C16orf54: variants seen among roughly 807,000 people sequenced by gnomAD.
C16orf54 encodes chromosome 16 open reading frame 54, also known as transmembrane protein C16orf54.
In C16orf54, 2 loss-of-function variants were observed where a neutral mutation model predicts 3.9. The ratio of observed to expected loss-of-function variants is 0.52; its 90% CI spans 0.21 to 1.63. The LOEUF is 1.63. Ranked by LOEUF, C16orf54 falls within the 40% of genes most tolerant of loss-of-function variation. The pLI is 0.21. For missense variants in C16orf54, 272 were observed against 326.3 expected, an observed-to-expected ratio of 0.83 and a Z score of 1.28; for synonymous variants, 128 against 135.1, an observed-to-expected ratio of 0.95 and a Z score of 0.37.
Position 29,744,154 on chromosome 16 carries a change from G to T in C16orf54, c.*123C>A. ...CCCAGACCCGGGGAGGGGGACTCCA[G>T]GTGGAAGGAGCCTGGGAAGGGCATC... On this transcript the variant is annotated 3_prime_UTR_variant, in exon 2 of 2. Transcript: ENST00000329410. The surrounding 1 kb of genome is among the most constrained non-coding windows in gnomAD (Gnocchi z 7.1). The T allele has an allele frequency of 1.1e-6, 1 of 926,206 alleles. No individual in the cohort carries two copies. Among genetic ancestry groups the T allele is most frequent in the Non-Finnish European group, 1.7e-6 (1 of 596,894 alleles). The allele number at this position is 926,206 out of a possible 1,614,324, so 57.4% of individuals were successfully genotyped here.
rs1257194608 is a variant in C16orf54, at chr16:29,744,838, C to G, written c.114G>C (p.Leu38=). 3 of 1,477,016 alleles carry G rather than the reference C, an allele frequency of 2.0e-6. No homozygotes were observed. The African/African-American group carries it at 4.3e-5, about 21-fold the overall frequency. 91.5% of individuals were successfully genotyped at this position (1,477,016 alleles called of 1,614,324 possible). A position where few individuals can be genotyped will look rare whatever the true frequency, so the allele number is the denominator to read the frequency against. Residue 38 remains leucine (L), a synonymous_variant, in exon 2 of 2, where the codon CTG becomes CTC. Transcript: ENST00000329410. This position sits in a 1 kb window ranked among gnomAD's most constrained non-coding sequence, Gnocchi z 7.1. The part of the protein sequence containing the change: ...CGPCIPIMLV[L]ATLAALFILT... Reference sequence around the variant, plus strand: ...GGATGAAGAGCGCAGCCAGGGTGGCCAGGACCAGCATGATGGGGATGCAGG... The same window carrying G: ...GGATGAAGAGCGCAGCCAGGGTGGCGAGGACCAGCATGATGGGGATGCAGG...
In C16orf54 at chr16:29,744,715, C is replaced by T. The variant is rs765619918; in HGVS notation, c.237G>A (p.Glu79=). 4.1e-6 allele frequency: 6 copies of T among 1,464,114 alleles called. No individual in the cohort carries two copies. The highest frequency in any genetic ancestry group is 1.8e-6 in the Non-Finnish European group (2 of 1,109,242). The allele number at this position is 1,464,114 out of a possible 1,614,324, so 90.7% of individuals were successfully genotyped here. A position where few individuals can be genotyped will look rare whatever the true frequency, so the allele number is the denominator to read the frequency against. The change falls in exon 2 of 2, where the codon GAG becomes GAA. Residue 79 remains glutamate (E), a synonymous_variant. Transcript: ENST00000329410. This position sits in a 1 kb window ranked among gnomAD's most constrained non-coding sequence, Gnocchi z 7.1. ...CGGTGCCCATGGGCTCAATCCACAG[C>T]TCTCCTCCTGGGCGCCACACCAGGG... ...APTLVWRPGG[E]LWIEPMGTAR...
chr16:29,745,333 A>G (rs1968123889), intron 1 of C16orf54: 2 of 194,532 alleles, frequency 1.0e-5, no homozygotes, highest in Non-Finnish European at 2.1e-5. Context: ...CCCTTTCTCA[A>G]AAATGAAAAA....
At position 29,744,607 on chromosome 16, in the gene C16orf54, G is replaced by A. The variant is rs567404785; in HGVS notation, c.345C>T (p.Gly115=). 6.1e-6 allele frequency: 9 copies of A among 1,464,518 alleles called. No homozygotes were observed. The highest frequency in any genetic ancestry group is 5.7e-5 in the Admixed American group (2 of 35,384). The allele number at this position is 1,464,518 out of a possible 1,614,324, so 90.7% of individuals were successfully genotyped here. The part of the protein sequence containing the change: ...DRAPEPPTQV[G]TLEARATAPP... Reference sequence around the variant, plus strand: ...GGGCTGTTGCTCGGGCCTCCAAAGTGCCCACCTGGGTGGGAGGCTCAGGGG... The same window carrying A: ...GGGCTGTTGCTCGGGCCTCCAAAGTACCCACCTGGGTGGGAGGCTCAGGGG... The change falls in exon 2 of 2, where the codon GGC becomes GGT. Residue 115 remains glycine (G), a synonymous_variant. Transcript: ENST00000329410. This position sits in a 1 kb window ranked among gnomAD's most constrained non-coding sequence, Gnocchi z 7.1.
rs1968077709 is a variant in C16orf54 at position 29,742,728 on chromosome 16, G to A, written c.*1549C>T. On this transcript the variant is annotated 3_prime_UTR_variant, in exon 2 of 2. Transcript: ENST00000329410. ...CCAACACTCTGAGAGATGGGGATGA[G>A]TGGCTCTCTCGAGCCCAGGAATTAA... 1 of 152,012 alleles carries A rather than the reference G, an allele frequency of 6.6e-6. No individual in the cohort carries two copies. The highest frequency in any genetic ancestry group is 6.6e-5 in the Admixed American group (1 of 15,238). 9.4% of individuals were successfully genotyped at this position (152,012 alleles called of 1,614,324 possible).
Position 29,743,866 on chromosome 16 carries a change from C to G in C16orf54, c.*411G>C, listed in dbSNP as rs977002674. On this transcript the variant is annotated 3_prime_UTR_variant, in exon 2 of 2. Coordinates refer to ENST00000329410, the MANE Select transcript of C16orf54 (RefSeq NM_175900.4). ...CTGGATTCCTGTCATCTCCTGCCAG[C>G]TGTCATCGCCACACCGAGGCTGTTC... is the stretch of plus-strand genomic sequence containing the variant. The G allele has an allele frequency of 2.5e-5, 5 of 201,652 alleles. No individual in the cohort carries two copies. The highest frequency in any genetic ancestry group is 1.9e-3 in the Middle Eastern group (1 of 518). 12.5% of individuals were successfully genotyped at this position (201,652 alleles called of 1,614,324 possible).
intron 1 of C16orf54, 111 bp from the exon 2 acceptor site, chr16:29,745,062 G>C: frequency 1.7e-6 from 2 of 1,162,802 alleles, no homozygotes; most frequent in Non-Finnish European, 2.2e-6. Context: ...GCTGGGCATG[G>C]GGGCTCATGC....
chr16:29,743,906 C>G lies in C16orf54; in HGVS notation c.*371G>C, dbSNP rs112368680. The G allele has an allele frequency of 7.0e-6, 2 of 286,650 alleles. No homozygotes were observed. Among genetic ancestry groups the G allele is most frequent in the South Asian group, 7.4e-5 (2 of 27,182 alleles). 17.8% of individuals were successfully genotyped at this position (286,650 alleles called of 1,614,324 possible). ...CGAGGCTGTTCAGCACCGCAGGACC[C>G]GTTCTCTTTGGTATTGGTGGCTTCG... On this transcript the variant is annotated 3_prime_UTR_variant, in exon 2 of 2. Coordinates refer to ENST00000329410, the MANE Select transcript of C16orf54 (RefSeq NM_175900.4).
rs1188846762 is a variant in C16orf54, at chr16:29,745,916, G to A, written c.-6C>T. 6.5e-6 allele frequency: 1 copy of A among 153,220 alleles called. No homozygotes were observed. The highest frequency in any genetic ancestry group is 1.9e-4 in the East Asian group (1 of 5,216). 9.5% of individuals were successfully genotyped at this position (153,220 alleles called of 1,614,324 possible). ...TCCTGCACCCCTCAACTCACCTTGG[G>A]TCAGTCCCTGGGCTCCTCTCCCTCC... is the stretch of plus-strand genomic sequence containing the variant. On this transcript the variant is annotated 5_prime_UTR_variant, in exon 1 of 2. Coordinates refer to ENST00000329410, the MANE Select transcript of C16orf54 (RefSeq NM_175900.4).
Position 29,744,072 on chromosome 16 carries a change from A to T in C16orf54, c.*205T>A. The T allele has an allele frequency of 1.6e-6, 1 of 608,524 alleles. No homozygotes were observed. The highest frequency in any genetic ancestry group is 3.1e-5 in the Admixed American group (1 of 32,728). 37.7% of individuals were successfully genotyped at this position (608,524 alleles called of 1,614,324 possible). A position where few individuals can be genotyped will look rare whatever the true frequency, so the allele number is the denominator to read the frequency against. On this transcript the variant is annotated 3_prime_UTR_variant, in exon 2 of 2. Coordinates refer to ENST00000329410, the MANE Select transcript of C16orf54 (RefSeq NM_175900.4). The surrounding 1 kb of genome is among the most constrained non-coding windows in gnomAD (Gnocchi z 7.1). ...CCCCCAGGTCTCTGAGCCACAGCCC[A>T]GGTAGCTGAGCAGAGGCACTGCTGG...
rs2142336156 is a variant in C16orf54, at chr16:29,744,292, G to A, written c.660C>T (p.Thr220=). 1 of 1,612,860 alleles carries A rather than the reference G, an allele frequency of 6.2e-7. No homozygotes were observed. Among genetic ancestry groups the A allele is most frequent in the East Asian group, 2.2e-5 (1 of 44,878 alleles). The change falls in exon 2 of 2, where the codon ACC becomes ACT. Residue 220 remains threonine, a synonymous_variant. Transcript: ENST00000329410. This position sits in a 1 kb window ranked among gnomAD's most constrained non-coding sequence, Gnocchi z 7.1. The part of the protein sequence containing the change: ...ISAFWKREGR[T]SVGF ...CCCTGGGGATTCAGAACCCCACACT[G>A]GTCCGGCCTTCACGCTTCCAGAAAG...
In C16orf54 at chr16:29,744,013, G is replaced by A; in HGVS notation, c.*264C>T. Reference sequence around the variant, plus strand: ...TACCTTGGGTTCTTCATCTGGATGCGATCTTGAAGGCTTCTGGCCTGGCAT... The same window carrying A: ...TACCTTGGGTTCTTCATCTGGATGCAATCTTGAAGGCTTCTGGCCTGGCAT... On this transcript the variant is annotated 3_prime_UTR_variant, in exon 2 of 2. Coordinates refer to ENST00000329410, the MANE Select transcript of C16orf54 (RefSeq NM_175900.4). This position sits in a 1 kb window ranked among gnomAD's most constrained non-coding sequence, Gnocchi z 7.1. 3 of 555,024 alleles carry A rather than the reference G, an allele frequency of 5.4e-6. No homozygotes were observed. Among genetic ancestry groups the A allele is most frequent in the South Asian group, 2.4e-5 (1 of 41,920 alleles). The allele number at this position is 555,024 out of a possible 1,614,324, so 34.4% of individuals were successfully genotyped here.
chr16:29,744,194 C>T lies in C16orf54; in HGVS notation c.*83G>A. On this transcript the variant is annotated 3_prime_UTR_variant, in exon 2 of 2. Coordinates refer to ENST00000329410, the MANE Select transcript of C16orf54 (RefSeq NM_175900.4). The surrounding 1 kb of genome is among the most constrained non-coding windows in gnomAD (Gnocchi z 7.1). ...GGAAGGGCATCTTCGCTGGGGCAGT[C>T]TCAATCCTAATGCTGGATCCTGGGG... 7.9e-7 allele frequency: 1 copy of T among 1,269,470 alleles called. No homozygotes were observed. Among genetic ancestry groups the T allele is most frequent in the Non-Finnish European group, 1.1e-6 (1 of 893,388 alleles). 78.6% of individuals were successfully genotyped at this position (1,269,470 alleles called of 1,614,324 possible).
In C16orf54 at chr16:29,743,931, G is replaced by T; in HGVS notation, c.*346C>A. 2.9e-6 allele frequency: 1 copy of T among 340,398 alleles called. No homozygotes were observed. The allele number at this position is 340,398 out of a possible 1,614,324, so 21.1% of individuals were successfully genotyped here. A position where few individuals can be genotyped will look rare whatever the true frequency, so the allele number is the denominator to read the frequency against. On this transcript the variant is annotated 3_prime_UTR_variant, in exon 2 of 2. Coordinates refer to ENST00000329410, the MANE Select transcript of C16orf54 (RefSeq NM_175900.4). ...CGTTCTCTTTGGTATTGGTGGCTTC[G>T]GTAAACACTGAAAGAAGGTGGAGGT...
Position 29,744,732 on chromosome 16 carries a change from A to C in C16orf54, c.220T>G (p.Trp74Gly). The change falls in exon 2 of 2, where the codon TGG (tryptophan) becomes GGG (glycine). Residue 74 changes from tryptophan (W) to glycine (G), a missense_variant. Transcript: ENST00000329410. This position sits in a 1 kb window ranked among gnomAD's most constrained non-coding sequence, Gnocchi z 7.1. ...ATCCACAGCTCTCCTCCTGGGCGCC[A>C]CACCAGGGTGGGTGCACGGTGGCTG... The part of the protein sequence containing the change: ...DPSHRAPTLV[W>G]RPGGELWIEP... The C allele has an allele frequency of 6.8e-7, 1 of 1,461,350 alleles. No individual in the cohort carries two copies. The highest frequency in any genetic ancestry group is 2.5e-5 in the East Asian group (1 of 39,908). The allele number at this position is 1,461,350 out of a possible 1,614,324, so 90.5% of individuals were successfully genotyped here. A position where few individuals can be genotyped will look rare whatever the true frequency, so the allele number is the denominator to read the frequency against.
rs899766599 is a variant in C16orf54 at position 29,744,225 on chromosome 16, G to A, written c.*52C>T. The A allele has an allele frequency of 4.6e-6, 7 of 1,513,428 alleles. No individual in the cohort carries two copies. Among genetic ancestry groups the A allele is most frequent in the Non-Finnish European group, 6.4e-6 (7 of 1,099,602 alleles). 93.7% of individuals were successfully genotyped at this position (1,513,428 alleles called of 1,614,324 possible). The stretch of plus-strand genomic sequence containing the variant: ...CCTAATGCTGGATCCTGGGGTCCCC[G>A]GTCCCACTGAGGCAAGGCCTGCCTC... On this transcript the variant is annotated 3_prime_UTR_variant, in exon 2 of 2. Transcript: ENST00000329410. The surrounding 1 kb of genome is among the most constrained non-coding windows in gnomAD (Gnocchi z 7.1).
chr16:29,744,465 C>CG lies in C16orf54; in HGVS notation c.486dup (p.Ala163ArgfsTer9). On this transcript the variant is annotated frameshift_variant, in exon 2 of 2. Transcript: ENST00000329410. LOFTEE classifies it low-confidence loss of function (END_TRUNC). The surrounding 1 kb of genome is among the most constrained non-coding windows in gnomAD (Gnocchi z 7.1). ...TCAGCCCAGCTCACCAGGCCTGTGG[C>CG]GGGGGGCCTCCCCTCCCAGGGCTGG... 6.4e-7 allele frequency: 1 copy of CG among 1,552,012 alleles called. No individual in the cohort carries two copies. The highest frequency in any genetic ancestry group is 8.7e-7 in the Non-Finnish European group (1 of 1,148,022).
intron 1 of C16orf54, among the ~76,000 whole-genome samples, 189 bp downstream of exon 1, chr16:29,745,722 C>G (rs1968128285): frequency 6.6e-6 from 1 of 152,170 alleles, no homozygotes; most frequent in South Asian, 2.1e-4. Context: ...TGATCTTGCT[C>G]TCATAGGCTC....
Position 29,744,976 on chromosome 16 carries a change from G to T in C16orf54, c.1-25C>A. ...TCTGAGAGACACAGGGGTGAGAAGA[G>T]GAAGTAAATGAGGCAGAGGGGGCAC... On this transcript the variant is annotated intron_variant, in intron 1 of 1. Transcript: ENST00000329410. The surrounding 1 kb of genome is among the most constrained non-coding windows in gnomAD (Gnocchi z 7.1). 7.1e-7 allele frequency: 1 copy of T among 1,401,728 alleles called. No individual in the cohort carries two copies. 86.8% of individuals were successfully genotyped at this position (1,401,728 alleles called of 1,614,324 possible). A position where few individuals can be genotyped will look rare whatever the true frequency, so the allele number is the denominator to read the frequency against.
Sources: gnomAD v4.1 joint callset for allele counts (sites outside exome capture counted in the v4.1 genomes callset) on GRCh38, gnomAD v4.1.1 for gene constraint, Gnocchi (gnomAD v3.1) non-coding constraint, MANE v1.5 for transcripts, NCBI Gene and HGNC (gene_info 2026-07-23, HGNC 2026-07-21) for gene names.